Variants in TNPO1 observed in about 807,000 individuals in gnomAD.
The protein encoded by TNPO1 is transportin 1.
TNPO1 carries 8 observed loss-of-function variants against 119.5 expected under a neutral mutation model. The ratio of observed to expected loss-of-function variants is 0.07; its 90% confidence interval spans 0.04 to 0.12. TNPO1 has a LOEUF of 0.12. Among genes scored for constraint, TNPO1 ranks in the 10% least tolerant of loss-of-function variants. TNPO1 has a pLI of 1.00. For missense variants in TNPO1, 576 were observed against 1,089.8 expected (o/e 0.53, Z 6.64); for synonymous variants, 362 against 363.0 (o/e 1.00, Z 0.03).
At chr5:72,834,796 C>T (rs932162634) in intron 1 of TNPO1, among the ~76,000 whole-genome samples, 1 of 152,232 alleles carries the variant, frequency 6.6e-6, no homozygotes, top group African/African-American at 2.4e-5. Context: ...TCACCCAGGG[C>T]AACTTCTAGT....
rs1272368610 is a variant in TNPO1, at chr5:72,848,380, T to A, written c.16-5T>A. 6.2e-7 allele frequency: 1 copy of A among 1,610,306 alleles called. No homozygotes were observed. The highest frequency in any genetic ancestry group is 8.5e-7 in the Non-Finnish European group (1 of 1,177,906). ...GTCTCTTCCTGTGTCTGGCTTTATT[T>A]GCAGCAAACCAAGATGGAGTATGAG... On this transcript the variant is annotated splice_region_variant and splice_polypyrimidine_tract_variant and intron_variant, in intron 1 of 24. Transcript: ENST00000337273.
chr5:72,907,506 A>G (rs1336760878), intron 24 of TNPO1, among the ~76,000 whole-genome samples: 1 of 152,202 alleles, frequency 6.6e-6, no homozygotes, highest in Non-Finnish European at 1.5e-5. Flanking sequence ...GTGAATTCAC[A>G]TGAACGTTCA....
Position 72,893,336 on chromosome 5 carries a change from A to G in TNPO1, c.1897-41A>G, listed in dbSNP as rs769287907. On this transcript the variant is annotated intron_variant, in intron 16 of 24. Transcript: ENST00000337273. ...TGTATACAGACTTTTTAAGTAGTTA[A>G]TTAAAACCAAACTTACAAAAAACAT... 19 of 1,607,280 alleles carry G rather than the reference A, an allele frequency of 1.2e-5. 1 individual carries two copies. The African/African-American group carries it at 1.5e-4, about 13-fold the overall frequency.
intron 1 of TNPO1, among the ~76,000 whole-genome samples, chr5:72,844,496 G>A (rs1358878376): frequency 6.6e-6 from 1 of 152,226 alleles, no homozygotes; most frequent in Admixed American, 6.5e-5. Context: ...TTGAGTCATA[G>A]ATAAAATTGT....
intron 3 of TNPO1, among the ~76,000 whole-genome samples, chr5:72,852,635 G>C (rs1245708501): frequency 6.6e-6 from 1 of 152,224 alleles, no homozygotes; most frequent in East Asian, 1.9e-4. Context: ...CAGACCATCT[G>C]TAAAGTTTCA....
chr5:72,840,951 C>T (rs753147877), intron 1 of TNPO1, among the ~76,000 whole-genome samples: 12 of 152,104 alleles, frequency 7.9e-5, no homozygotes, highest in East Asian at 1.9e-4. Flanking sequence ...CAGTCTCAAT[C>T]GAGGATGATT....
rs754899065 is a variant in TNPO1, at chr5:72,903,687, A to T, written c.2515-22A>T. Reference sequence around the variant, plus strand: ...TTGACAAATACAATATCAACCTAAGATGTATTTCTTGCTTGTTACAGGATT... The same window carrying T: ...TTGACAAATACAATATCAACCTAAGTTGTATTTCTTGCTTGTTACAGGATT... On this transcript the variant is annotated intron_variant, in intron 22 of 24. Transcript: ENST00000337273. The T allele has an allele frequency of 2.6e-6, 4 of 1,540,136 alleles. No individual in the cohort carries two copies. The South Asian group carries it at 4.6e-5, about 18-fold the overall frequency.
Position 72,909,528 on chromosome 5 carries a change from G to C in TNPO1, c.*855G>C, listed in dbSNP as rs1405914557. 6.6e-6 allele frequency: 1 copy of C among 152,114 alleles called. No homozygotes were observed. Among genetic ancestry groups the C allele is most frequent in the Non-Finnish European group, 1.5e-5 (1 of 68,002 alleles). The allele number at this position is 152,114 out of a possible 1,614,324, so 9.4% of individuals were successfully genotyped here. A position where few individuals can be genotyped will look rare whatever the true frequency, so the allele number is the denominator to read the frequency against. On this transcript the variant is annotated 3_prime_UTR_variant, in exon 25 of 25. Coordinates refer to ENST00000337273, the MANE Select transcript of TNPO1 (RefSeq NM_002270.4). Reference sequence around the variant, plus strand: ...AGGCCAAGATGTTACTTTTTAAAGTGCAGTTTAAGGTTCAGGCATGCATTC... The same window carrying C: ...AGGCCAAGATGTTACTTTTTAAAGTCCAGTTTAAGGTTCAGGCATGCATTC...
intron 2 of TNPO1, among the ~76,000 whole-genome samples, chr5:72,848,992 C>G (rs1745338054): frequency 2.0e-5 from 3 of 151,908 alleles, no homozygotes; most frequent in Non-Finnish European, 4.4e-5. Flanking sequence ...GTGGAGCTGG[C>G]GCGGGGTTTG....
intron 3 of TNPO1, among the ~76,000 whole-genome samples, chr5:72,851,657 A>G (rs1396784843): frequency 6.6e-6 from 1 of 152,070 alleles, no homozygotes; most frequent in African/African-American, 2.4e-5. Flanking sequence ...ACATCCAGCT[A>G]ATTTTTTTGT....
intron 1 of TNPO1, among the ~76,000 whole-genome samples, chr5:72,835,210 C>G (rs1188843167): frequency 1.3e-5 from 2 of 152,318 alleles, no homozygotes; most frequent in East Asian, 3.9e-4. Flanking sequence ...AATTTTTGTA[C>G]TGATTTAATT....
intron 1 of TNPO1, among the ~76,000 whole-genome samples, chr5:72,833,860 G>A (rs1047891163): frequency 6.6e-6 from 1 of 152,134 alleles, no homozygotes; most frequent in African/African-American, 2.4e-5. Flanking sequence ...AATATATGCT[G>A]CTGTTTTTTG....
intron 3 of TNPO1, among the ~76,000 whole-genome samples, chr5:72,854,771 T>C (rs1206536939): frequency 1.3e-5 from 2 of 152,210 alleles, no homozygotes; most frequent in Non-Finnish European, 2.9e-5. Flanking sequence ...AAGTAGCTTT[T>C]TGAAAATTTG....
intron 1 of TNPO1, chr5:72,848,073 A>G: frequency 9.1e-7 from 1 of 1,093,146 alleles, no homozygotes; most frequent in Non-Finnish European, 1.1e-6. Context: ...ACTAGGACCC[A>G]GGGGGCTCCC....
chr5:72,830,930 TCTA>T (rs1422815601), intron 1 of TNPO1, among the ~76,000 whole-genome samples: 3 of 152,182 alleles, frequency 2.0e-5, no homozygotes, highest in African/African-American at 7.2e-5. Context: ...ATGAATGGTA[TCTA>T]CCTTAAAGAC....
At position 72,861,729 on chromosome 5, in the gene TNPO1, T is replaced by C. The variant is rs778176885; in HGVS notation, c.356-79T>C. 249 of 990,440 alleles carry C rather than the reference T, an allele frequency of 2.5e-4. 1 individual carries two copies. The Middle Eastern group carries it at 2.8e-3, about 11-fold the overall frequency. 61.4% of individuals were successfully genotyped at this position (990,440 alleles called of 1,614,324 possible). ...AATGTTATTATTTACATAAAATGTG[T>C]TTGTGCACACAGTTGCTCACATGGC... On this transcript the variant is annotated intron_variant, in intron 4 of 24. Transcript: ENST00000337273.
At chr5:72,839,387 AGT>A (rs1284255505) in intron 1 of TNPO1, among the ~76,000 whole-genome samples, 2 of 152,150 alleles carry the variant, frequency 1.3e-5, no homozygotes, top group African/African-American at 2.4e-5. Flanking sequence ...ATAATTTTCT[AGT>A]GTGTGTTGTT....
chr5:72,897,753 A>C (rs1041189851), intron 20 of TNPO1, among the ~76,000 whole-genome samples: 8 of 150,688 alleles, frequency 5.3e-5, no homozygotes, highest in Non-Finnish European at 1.0e-4. Flanking sequence ...TTTTCTTTCT[A>C]CCCTCCCTGA....
At chr5:72,889,167 C>T (rs887721093) in intron 13 of TNPO1, among the ~76,000 whole-genome samples, 1 of 152,132 alleles carries the variant, frequency 6.6e-6, no homozygotes, top group Non-Finnish European at 1.5e-5. Flanking sequence ...AAGCAATTCT[C>T]CTGCCTCTGC....
Sources: allele counts gnomAD v4.1 joint callset (sites outside exome capture counted in the v4.1 genomes callset), GRCh38; gene constraint gnomAD v4.1.1; transcripts MANE v1.5; gene names NCBI Gene and HGNC (gene_info 2026-07-23, HGNC 2026-07-21).